The following DPYD variants were observed in gnomAD, a reference collection of about 807,000 sequenced individuals.
DPYD encodes the protein dihydropyrimidine dehydrogenase [NADP(+)].
Under a neutral mutation model 116.2 loss-of-function variants are expected in DPYD, and 109 were observed. The observed-to-expected ratio is 0.94, with a 90% CI of 0.80 to 1.10. The LOEUF is 1.10. Among genes scored for constraint, DPYD ranks in the 50% least tolerant of loss-of-function variants. The pLI is 0.00. For missense variants in DPYD, 1,302 were observed against 1,254.5 expected (o/e 1.04, Z -0.57); for synonymous variants, 440 against 432.0 (o/e 1.02, Z -0.23).
At chr1:97,583,962 A>C (rs1320892972) in intron 10 of DPYD, among the ~76,000 whole-genome samples, 1 of 152,066 alleles carries the variant, frequency 6.6e-6, no homozygotes, top group East Asian at 1.9e-4. Context: ...TGGTATTTCT[A>C]GTTCTAGATC....
At position 97,576,956 on chromosome 1, in the gene DPYD, G is replaced by C. The variant is rs1458005688; in HGVS notation, c.1129-2986C>G. The stretch of plus-strand genomic sequence containing the variant: ...AGATTTTCCATTTTACATAAGAAAG[G>C]GAAAATTGTTTAAAGAAAAAATAGT... On this transcript the variant is annotated intron_variant, in intron 10 of 22. Coordinates refer to ENST00000370192, the MANE Select transcript of DPYD (RefSeq NM_000110.4). Among the ~76,000 whole-genome samples, 7 of 152,090 alleles carry C rather than the reference G, an allele frequency of 4.6e-5. 1 individual carries two copies. The highest frequency in any genetic ancestry group is 4.6e-4 in the Admixed American group (7 of 15,266).
chr1:97,275,527 C>T (rs965151584), intron 18 of DPYD, among the ~76,000 whole-genome samples: 1 of 152,084 alleles, frequency 6.6e-6, no homozygotes, highest in Non-Finnish European at 1.5e-5. Context: ...GTAAACTCTG[C>T]GTAATAGTAG....
rs947206632 is a variant in DPYD, at chr1:97,078,044, CAG to C, written c.*930_*931del. The C allele has an allele frequency of 2.6e-5, 4 of 152,058 alleles. No homozygotes were observed. The highest frequency in any genetic ancestry group is 2.1e-4 in the South Asian group (1 of 4,798). 9.4% of individuals were successfully genotyped at this position (152,058 alleles called of 1,614,324 possible). On this transcript the variant is annotated 3_prime_UTR_variant, in exon 23 of 23. Transcript: ENST00000370192. The stretch of plus-strand genomic sequence containing the variant: ...TTTCTTTTAAACATAAACACTAAAA[CAG>C]AGAGTAGTCAAACTGATTTGGCACA...
chr1:97,157,785 A>G (rs1655583199), intron 20 of DPYD, among the ~76,000 whole-genome samples: 1 of 152,114 alleles, frequency 6.6e-6, no homozygotes, highest in Non-Finnish European at 1.5e-5. Flanking sequence ...CATACCTGTA[A>G]TATGTGTATA....
intron 14 of DPYD, among the ~76,000 whole-genome samples, chr1:97,384,578 A>G (rs1159524061): frequency 2.0e-5 from 3 of 152,286 alleles, no homozygotes; most frequent in Non-Finnish European, 4.4e-5. Context: ...AATGGATACC[A>G]TAAGTTAGAG....
chr1:97,647,544 A>G (rs1014121117), intron 8 of DPYD, among the ~76,000 whole-genome samples: 4 of 151,970 alleles, frequency 2.6e-5, no homozygotes, highest in Non-Finnish European at 5.9e-5. Flanking sequence ...CCAAAATCAC[A>G]TATGTTTTTG....
intron 14 of DPYD, among the ~76,000 whole-genome samples, chr1:97,431,770 C>A (rs1183003658): frequency 1.3e-5 from 2 of 151,940 alleles, no homozygotes; most frequent in African/African-American, 2.4e-5. Flanking sequence ...ACTATATTAG[C>A]CCTATTATAT....
At chr1:97,396,917 C>A (rs769818782) in intron 14 of DPYD, among the ~76,000 whole-genome samples, 1 of 147,490 alleles carries the variant, frequency 6.8e-6, no homozygotes, top group African/African-American at 2.5e-5. Flanking sequence ...TTCAAGTGTG[C>A]TACACCAACC....
intron 20 of DPYD, among the ~76,000 whole-genome samples, chr1:97,125,371 T>C (rs943340047): frequency 1.3e-5 from 2 of 152,146 alleles, no homozygotes; most frequent in Admixed American, 6.6e-5. Context: ...GATGTTCTGA[T>C]GCATTTTTTC....
intron 14 of DPYD, among the ~76,000 whole-genome samples, chr1:97,425,159 A>G (rs1006804624): frequency 6.6e-6 from 1 of 152,068 alleles, no homozygotes; most frequent in Non-Finnish European, 1.5e-5. Context: ...TTCTGCATCA[A>G]TACTATTTTT....
chr1:97,467,173 C>T (rs1677377688), intron 13 of DPYD, among the ~76,000 whole-genome samples: 1 of 152,166 alleles, frequency 6.6e-6, no homozygotes, highest in Admixed American at 6.5e-5. Context: ...AAATCTGTAC[C>T]TCCACCGAAT....
At chr1:97,231,424 T>C (rs1007099225) in intron 19 of DPYD, among the ~76,000 whole-genome samples, 5 of 152,166 alleles carry the variant, frequency 3.3e-5, no homozygotes, top group Non-Finnish European at 7.3e-5. Context: ...TCCACATGGC[T>C]GGGGAAGCCT....
chr1:97,301,701 T>G (rs1570465164), intron 18 of DPYD, among the ~76,000 whole-genome samples: 1 of 151,852 alleles, frequency 6.6e-6, no homozygotes, highest in South Asian at 2.1e-4. Flanking sequence ...GAATAAAGGT[T>G]ATCCTCATGA....
At chr1:97,570,662 G>C (rs917206763) in intron 11 of DPYD, among the ~76,000 whole-genome samples, 1 of 151,758 alleles carries the variant, frequency 6.6e-6, no homozygotes, top group African/African-American at 2.4e-5. Flanking sequence ...GGTACCATTT[G>C]CAATAATAGT....
chr1:97,789,945 A>G (rs1178062346), intron 3 of DPYD, among the ~76,000 whole-genome samples: 2 of 152,186 alleles, frequency 1.3e-5, no homozygotes, highest in Admixed American at 1.3e-4. Flanking sequence ...TTGAAAAACA[A>G]AAAACGAAGC....
intron 13 of DPYD, among the ~76,000 whole-genome samples, chr1:97,464,852 G>A (rs975576178): frequency 6.6e-6 from 1 of 152,102 alleles, no homozygotes; most frequent in Admixed American, 6.5e-5. Context: ...GTCCCTACTA[G>A]GGCACTGCCT....
chr1:97,398,571 T>A (rs895705023), intron 14 of DPYD, among the ~76,000 whole-genome samples: 2 of 152,040 alleles, frequency 1.3e-5, no homozygotes, highest in Non-Finnish European at 2.9e-5. Flanking sequence ...AACAGTGTAA[T>A]AGTGTTCCTG....
intron 7 of DPYD, among the ~76,000 whole-genome samples, chr1:97,690,983 C>A (rs1397194719): frequency 1.3e-5 from 2 of 152,062 alleles, no homozygotes; most frequent in African/African-American, 4.8e-5. Flanking sequence ...GTATCTTCTG[C>A]ATATACTTAC....
At chr1:97,345,560 A>G (rs775540613) in intron 16 of DPYD, among the ~76,000 whole-genome samples, 4 of 151,946 alleles carry the variant, frequency 2.6e-5, no homozygotes, top group Non-Finnish European at 5.9e-5. Context: ...CTCATATCCT[A>G]GACTGGATAA....
Sources: gnomAD v4.1 joint callset for allele counts (sites outside exome capture counted in the v4.1 genomes callset) on GRCh38, gnomAD v4.1.1 for gene constraint, MANE v1.5 for transcripts, NCBI Gene and HGNC (gene_info 2026-07-23, HGNC 2026-07-21) for gene names.